CANT1: variants seen among roughly 807,000 people sequenced by gnomAD.
The protein encoded by CANT1 is soluble calcium-activated nucleotidase 1.
Under a neutral mutation model 30.0 loss-of-function variants are expected in CANT1, and 26 were observed. That is an observed-to-expected ratio of 0.87 (90% CI 0.64 to 1.20). The LOEUF is 1.20. Ranked by LOEUF, CANT1 falls within the 50% of genes most tolerant of loss-of-function variation. CANT1 has a pLI of 0.00. For missense variants in CANT1, 518 were observed against 563.0 expected (o/e 0.92, Z 0.81); for synonymous variants, 246 against 251.8 (o/e 0.98, Z 0.22).
rs779376004 is a variant in CANT1 at position 78,997,499 on chromosome 17, G to T, written c.124C>A (p.Arg42Ser). Reference sequence around the variant, plus strand: ...AAGAACGTCAGGATCACCTTCCAGCGGGGGCGGAAGCGGGGGTCCGCGGCC... The same window carrying T: ...AAGAACGTCAGGATCACCTTCCAGCTGGGGCGGAAGCGGGGGTCCGCGGCC... ...TKAADPRFRP[R>S]WKVILTFFVG... Residue 42 changes from arginine (R) to serine (S), a missense_variant, in exon 3 of 5, where the codon CGC becomes AGC. By Grantham distance (110) the Arg-to-Ser change is moderately radical (BLOSUM62 -1). Around this residue, in one of 3 missense-constraint regions of CANT1, gnomAD observed 249 missense variants for 268.8 expected, o/e 0.93. Coordinates refer to ENST00000392446, the MANE Select transcript of CANT1 (RefSeq NM_001159773.2). This position sits in a 1 kb window ranked among gnomAD's most constrained non-coding sequence, Gnocchi z 7.5. 6.3e-7 allele frequency: 1 copy of T among 1,578,642 alleles called. No homozygotes were observed. Among genetic ancestry groups the T allele is most frequent in the East Asian group, 2.3e-5 (1 of 44,410 alleles).
At position 78,996,956 on chromosome 17, in the gene CANT1, C is replaced by G; in HGVS notation, c.631+36G>C. The G allele has an allele frequency of 6.2e-7, 1 of 1,611,878 alleles. No individual in the cohort carries two copies. The highest frequency in any genetic ancestry group is 8.5e-7 in the Non-Finnish European group (1 of 1,179,992). On this transcript the variant is annotated intron_variant, in intron 3 of 4. Coordinates refer to ENST00000392446, the MANE Select transcript of CANT1 (RefSeq NM_001159773.2). This position sits in a 1 kb window ranked among gnomAD's most constrained non-coding sequence, Gnocchi z 5.1. ...AGCCAGGCCCTGAGCTCCCACTCCC[C>G]ACCCACACCTCCATAAAACCTCAGG... is the stretch of plus-strand genomic sequence containing the variant.
At chr17:79,001,523 A>C (rs1299983523) in intron 1 of CANT1, among the ~76,000 whole-genome samples, 2 of 152,130 alleles carry the variant, frequency 1.3e-5, no homozygotes, top group Non-Finnish European at 2.9e-5. Flanking sequence ...TTAATGAAGG[A>C]AAACCCTTCC....
chr17:78,997,523 C>A lies in CANT1; in HGVS notation c.100G>T (p.Ala34Ser), dbSNP rs759499436. ...CGGGGGCGGAAGCGGGGGTCCGCGG[C>A]CTTGGTCATGGACGCCAGCACAGGA... ...GLPVLASMTK[A>S]ADPRFRPRWK... is the part of the protein sequence containing the mutation. The change falls in exon 3 of 5, where the codon GCC (alanine) becomes TCC (serine). Residue 34 changes from alanine to serine, a missense_variant. By Grantham distance (99) the Ala-to-Ser change is moderately conservative. Transcript: ENST00000392446. This position sits in a 1 kb window ranked among gnomAD's most constrained non-coding sequence, Gnocchi z 7.5. 5.7e-6 allele frequency: 9 copies of A among 1,569,226 alleles called. No homozygotes were observed. In the South Asian group the frequency reaches 8.4e-5, roughly 15 times the overall value.
At position 79,002,621 on chromosome 17, in the gene CANT1, C is replaced by T. The variant is rs909322525; in HGVS notation, c.-146-4658G>A. Among the ~76,000 whole-genome samples, 2 of 152,228 alleles carry T rather than the reference C, an allele frequency of 1.3e-5. No individual in the cohort carries two copies. The highest frequency in any genetic ancestry group is 4.8e-5 in the African/African-American group (2 of 41,464). ...CTCCTCCCTGGCATGCTGAGTCTGG[C>T]TGCACCGTTGAGTGGTCGCAACAGA... On this transcript the variant is annotated intron_variant, in intron 1 of 4. Transcript: ENST00000392446. This position sits in a 1 kb window ranked among gnomAD's most constrained non-coding sequence, Gnocchi z 4.0.
chr17:78,994,868 T>G, intron 4 of CANT1, 150 bp downstream of exon 4: 5 of 821,274 alleles, frequency 6.1e-6, no homozygotes, highest in Non-Finnish European at 9.6e-6. Context: ...TGCAGTGAGC[T>G]GAGATCGTGC....
In CANT1 at chr17:78,992,388, C is replaced by G. The variant is rs980563128; in HGVS notation, c.*1162G>C. 9.8e-5 allele frequency: 28 copies of G among 284,850 alleles called. No individual in the cohort carries two copies. The highest frequency in any genetic ancestry group is 1.6e-4 in the Non-Finnish European group (23 of 146,174). The allele number at this position is 284,850 out of a possible 1,614,324, so 17.6% of individuals were successfully genotyped here. A position where few individuals can be genotyped will look rare whatever the true frequency, so the allele number is the denominator to read the frequency against. ...ACTGTGAATGATGGAAACGTCCCTT[C>G]TCAGCCTGGGTCGTGCCTAACCTGG... On this transcript the variant is annotated 3_prime_UTR_variant, in exon 5 of 5. Transcript: ENST00000392446.
intron 1 of CANT1, among the ~76,000 whole-genome samples, chr17:79,007,245 G>T (rs4789903): frequency 6.6e-6 from 1 of 152,112 alleles, no homozygotes; most frequent in East Asian, 1.9e-4. Flanking sequence ...AAATCAACAT[G>T]AACATTCTTA....
At chr17:79,003,042 C>A in intron 1 of CANT1, among the ~76,000 whole-genome samples, 1 of 151,586 alleles carries the variant, frequency 6.6e-6, no homozygotes, top group African/African-American at 2.4e-5. Context: ...AGGCAGGGGC[C>A]TTTCCTCCAG....
intron 1 of CANT1, among the ~76,000 whole-genome samples, chr17:79,005,127 A>G: frequency 1.7e-5 from 1 of 59,824 alleles, no homozygotes; most frequent in Non-Finnish European, 2.7e-5. Context: ...GGAGTTAGGG[A>G]GAGGGGATTT....
Position 78,997,766 on chromosome 17 carries a change from G to A in CANT1, c.-23+74C>T. 1 of 815,534 alleles carries A rather than the reference G, an allele frequency of 1.2e-6. No individual in the cohort carries two copies. Among genetic ancestry groups the A allele is most frequent in the African/African-American group, 1.7e-5 (1 of 58,028 alleles). 50.5% of individuals were successfully genotyped at this position (815,534 alleles called of 1,614,324 possible). On this transcript the variant is annotated intron_variant, in intron 2 of 4. Coordinates refer to ENST00000392446, the MANE Select transcript of CANT1 (RefSeq NM_001159773.2). This position sits in a 1 kb window ranked among gnomAD's most constrained non-coding sequence, Gnocchi z 7.5. ...AGAAGAAACAGTATTTCACTACTCTGTGGCCATTCTTACTCCCTTGGCTTA... is the reference window on the plus strand; with the variant it reads ...AGAAGAAACAGTATTTCACTACTCTATGGCCATTCTTACTCCCTTGGCTTA...
Position 78,993,300 on chromosome 17 carries a change from G to A in CANT1, c.*250C>T. ...AAGAAACGACCCAGCCAGTTAGGCA[G>A]GCCTTGAGTCAATGCCTGAAGTGAC... On this transcript the variant is annotated 3_prime_UTR_variant, in exon 5 of 5. Transcript: ENST00000392446. This position sits in a 1 kb window ranked among gnomAD's most constrained non-coding sequence, Gnocchi z 4.5. 1.8e-6 allele frequency: 1 copy of A among 549,588 alleles called. No homozygotes were observed. The highest frequency in any genetic ancestry group is 2.1e-5 in the South Asian group (1 of 48,618). 34.0% of individuals were successfully genotyped at this position (549,588 alleles called of 1,614,324 possible). A position where few individuals can be genotyped will look rare whatever the true frequency, so the allele number is the denominator to read the frequency against.
intron 1 of CANT1, among the ~76,000 whole-genome samples, chr17:78,999,664 T>A (rs1456893569): frequency 6.8e-6 from 1 of 147,116 alleles, no homozygotes; most frequent in Non-Finnish European, 1.5e-5. Context: ...TTTTTTTTTT[T>A]TTTTTGGAGA....
rs2070852558 is a variant in CANT1, at chr17:78,991,876, C to T, written c.*1674G>A. 1 of 231,564 alleles carries T rather than the reference C, an allele frequency of 4.3e-6. No homozygotes were observed. The highest frequency in any genetic ancestry group is 2.2e-5 in the African/African-American group (1 of 45,256). 14.3% of individuals were successfully genotyped at this position (231,564 alleles called of 1,614,324 possible). A position where few individuals can be genotyped will look rare whatever the true frequency, so the allele number is the denominator to read the frequency against. ...TATGCGAAGAGGCTGCTTCCGGGCACCTGGGCTGTGACTCAGGTGCTGACA... is the reference window on the plus strand; with the variant it reads ...TATGCGAAGAGGCTGCTTCCGGGCATCTGGGCTGTGACTCAGGTGCTGACA... On this transcript the variant is annotated 3_prime_UTR_variant, in exon 5 of 5. Coordinates refer to ENST00000392446, the MANE Select transcript of CANT1 (RefSeq NM_001159773.2).
chr17:78,996,797 T>A lies in CANT1; in HGVS notation c.631+195A>T. 1 of 781,734 alleles carries A rather than the reference T, an allele frequency of 1.3e-6. No individual in the cohort carries two copies. The highest frequency in any genetic ancestry group is 2.3e-6 in the Non-Finnish European group (1 of 443,460). 48.4% of individuals were successfully genotyped at this position (781,734 alleles called of 1,614,324 possible). A position where few individuals can be genotyped will look rare whatever the true frequency, so the allele number is the denominator to read the frequency against. ...GCTCTTCCTCCTAGAAACTGCTCAG[T>A]GTGAAGTGACAGTAGGCTATGCTCC... On this transcript the variant is annotated intron_variant, in intron 3 of 4. Coordinates refer to ENST00000392446, the MANE Select transcript of CANT1 (RefSeq NM_001159773.2). This position sits in a 1 kb window ranked among gnomAD's most constrained non-coding sequence, Gnocchi z 5.1.
chr17:79,004,241 G>A (rs1390984381), intron 1 of CANT1, among the ~76,000 whole-genome samples: 1 of 51,680 alleles, frequency 1.9e-5, no homozygotes, highest in Non-Finnish European at 4.3e-5. Flanking sequence ...TTAGGGAGAG[G>A]GGAGCTAGGG....
chr17:79,004,898 G>A (rs541628707), intron 1 of CANT1, among the ~76,000 whole-genome samples: 5 of 7,112 alleles, frequency 7.0e-4, no homozygotes, highest in Non-Finnish European at 2.2e-4. Context: ...GAGTTAGGGA[G>A]GGGAGTTAGG....
rs2145862596 is a variant in CANT1 at position 79,008,977 on chromosome 17, G to A, written c.-147+687C>T. On this transcript the variant is annotated intron_variant, in intron 1 of 4. Transcript: ENST00000392446. The surrounding 1 kb of genome is among the most constrained non-coding windows in gnomAD (Gnocchi z 4.4). ...TTTGACCAAGTGCCAGTCAGAGGGA[G>A]AAAATTCCCTTATCAGTCCAAGGAG... Among the ~76,000 whole-genome samples the A allele has an allele frequency of 6.6e-6, 1 of 152,340 alleles. No homozygotes were observed. The highest frequency in any genetic ancestry group is 6.5e-5 in the Admixed American group (1 of 15,306).
intron 4 of CANT1, among the ~76,000 whole-genome samples, chr17:78,994,428 G>A (rs368847197): frequency 1.1e-4 from 16 of 152,336 alleles, no homozygotes; most frequent in South Asian, 2.1e-4. Context: ...GGAACACCAC[G>A]GCCCAGCGCC....
At chr17:79,005,443 G>C (rs1363774989) in intron 1 of CANT1, 1 of 152,178 alleles carries the variant, frequency 6.6e-6, no homozygotes, top group Non-Finnish European at 1.5e-5. Context: ...GCGACTCCCT[G>C]GACAGCAGAC....
Sources: allele counts gnomAD v4.1 joint callset (sites outside exome capture counted in the v4.1 genomes callset), GRCh38; gene constraint gnomAD v4.1.1; regional missense constraint gnomAD v4.1.1; non-coding constraint Gnocchi (gnomAD v3.1); transcripts MANE v1.5; gene names NCBI Gene and HGNC (gene_info 2026-07-23, HGNC 2026-07-21).